The following LRRFIP2 variants were observed in gnomAD, a reference collection of about 807,000 sequenced individuals.
LRRFIP2 encodes leucine-rich repeat flightless-interacting protein 2.
In LRRFIP2, 109 loss-of-function variants were observed where a neutral mutation model predicts 125.9. That is an observed-to-expected ratio of 0.87 (90% CI 0.74 to 1.01). The LOEUF is 1.01. Among genes scored for constraint, LRRFIP2 ranks in the 50% least tolerant of loss-of-function variants. LRRFIP2 has a pLI of 0.00. For missense variants in LRRFIP2, 850 were observed against 862.3 expected (o/e 0.99, Z 0.18); for synonymous variants, 291 against 293.1 (o/e 0.99, Z 0.07).
At chr3:37,165,749 T>A in intron 1 of LRRFIP2, among the ~76,000 whole-genome samples, 1 of 122,642 alleles carries the variant, frequency 8.2e-6, no homozygotes, top group African/African-American at 3.2e-5. Context: ...AGAGAGAAAC[T>A]CTGTCACAAA....
At chr3:37,138,213 A>AT (rs2095605918) in intron 2 of LRRFIP2, among the ~76,000 whole-genome samples, 1 of 152,236 alleles carries the variant, frequency 6.6e-6, no homozygotes, top group African/African-American at 2.4e-5. Flanking sequence ...ACTTTCTGAT[A>AT]TTTAAATTTG....
intron 24 of LRRFIP2, among the ~76,000 whole-genome samples, chr3:37,062,094 C>T (rs1043841088): frequency 6.6e-6 from 1 of 152,168 alleles, no homozygotes; most frequent in Non-Finnish European, 1.5e-5. Flanking sequence ...CCTCACCTCT[C>T]CTGCCCCATT....
chr3:37,067,182 A>G (rs2090322176), intron 21 of LRRFIP2: 1 of 152,276 alleles, frequency 6.6e-6, no homozygotes, highest in African/African-American at 2.4e-5. Context: ...ATGCCTAGAT[A>G]GCAGGGACAG....
chr3:37,063,427 G>T (rs1189768806), intron 24 of LRRFIP2, among the ~76,000 whole-genome samples: 1 of 152,222 alleles, frequency 6.6e-6, no homozygotes, highest in Non-Finnish European at 1.5e-5. Context: ...TACAAGGACA[G>T]TACACAAGAA....
intron 8 of LRRFIP2, 88 bp downstream of exon 8, chr3:37,112,827 A>C (rs1468360793): frequency 1.6e-6 from 1 of 641,394 alleles, no homozygotes; most frequent in Non-Finnish European, 2.7e-6. Flanking sequence ...AGTTTCAATA[A>C]TGTCCTAGTA....
At chr3:37,064,155 G>A (rs2089536551) in intron 23 of LRRFIP2, 1 of 205,894 alleles carries the variant, frequency 4.9e-6, no homozygotes, top group Admixed American at 5.5e-5. Flanking sequence ...CCCTTAGCGG[G>A]AGAGATCCAA....
chr3:37,102,721 C>T (rs1185373334), intron 15 of LRRFIP2, among the ~76,000 whole-genome samples: 3 of 151,894 alleles, frequency 2.0e-5, no homozygotes, highest in African/African-American at 7.3e-5. Flanking sequence ...AGGCTGGTCT[C>T]GAACTCCTGA....
intron 24 of LRRFIP2, 127 bp downstream of exon 24, chr3:37,063,615 C>A: frequency 1.4e-6 from 1 of 737,524 alleles, no homozygotes; most frequent in South Asian, 1.6e-5. Flanking sequence ...ATTATCTATC[C>A]TTCATATCTC....
chr3:37,122,746 C>G (rs1264585581), intron 4 of LRRFIP2, among the ~76,000 whole-genome samples: 1 of 151,788 alleles, frequency 6.6e-6, no homozygotes, highest in Non-Finnish European at 1.5e-5. Flanking sequence ...ATGCCATAAG[C>G]AGATTTTTAA....
intron 15 of LRRFIP2, among the ~76,000 whole-genome samples, chr3:37,098,627 A>G (rs1454453210): frequency 6.6e-6 from 1 of 151,902 alleles, no homozygotes; most frequent in African/African-American, 2.4e-5. Flanking sequence ...TCCTGACCTC[A>G]AGTGATCCGC....
intron 24 of LRRFIP2, among the ~76,000 whole-genome samples, chr3:37,059,824 T>C (rs958329837): frequency 6.6e-6 from 1 of 151,402 alleles, no homozygotes; most frequent in African/African-American, 2.4e-5. Flanking sequence ...ATTGGATACA[T>C]AGAGATGGCT....
At chr3:37,093,467 C>G (rs781223569) in intron 17 of LRRFIP2, among the ~76,000 whole-genome samples, 1 of 152,094 alleles carries the variant, frequency 6.6e-6, no homozygotes. Flanking sequence ...AGCTAAAAAC[C>G]TTTTCTTAAA....
intron 21 of LRRFIP2, chr3:37,068,265 A>G (rs1296445470): frequency 6.6e-6 from 1 of 152,218 alleles, no homozygotes; most frequent in Non-Finnish European, 1.5e-5. Flanking sequence ...ACCACATATA[A>G]GTGGGTAAAT....
chr3:37,083,296 T>C (rs917548564), intron 19 of LRRFIP2, among the ~76,000 whole-genome samples: 1 of 152,206 alleles, frequency 6.6e-6, no homozygotes, highest in Non-Finnish European at 1.5e-5. Context: ...TGAGAGTCTT[T>C]GGAGCTTTGC....
Position 37,060,457 on chromosome 3 carries a change from T to C in LRRFIP2, c.1750-1547A>G, listed in dbSNP as rs188549074. 6.6e-5 allele frequency among the ~76,000 whole-genome samples: 10 copies of C among 152,128 alleles called. No individual in the cohort carries two copies. The East Asian group carries it at 1.7e-3, about 26-fold the overall frequency. ...CCGAGTAGCTGGGATTCCAGGTGCA[T>C]GCCACCACGTCCAATTTTTGTATTT... On this transcript the variant is annotated intron_variant, in intron 24 of 27. Transcript: ENST00000336686. This position sits in a 1 kb window ranked among gnomAD's most constrained non-coding sequence, Gnocchi z 4.1.
chr3:37,116,662 T>A (rs981195923), intron 6 of LRRFIP2, among the ~76,000 whole-genome samples: 1 of 152,160 alleles, frequency 6.6e-6, no homozygotes, highest in Admixed American at 6.6e-5. Flanking sequence ...TTAAAATATA[T>A]TAGAAAATCA....
At chr3:37,108,589 C>T in intron 12 of LRRFIP2, 48 bp downstream of exon 12, 4 of 1,460,484 alleles carry the variant, frequency 2.7e-6, no homozygotes, top group South Asian at 1.2e-5. Flanking sequence ...TAAACTGTGC[C>T]CACCCACATT....
At chr3:37,136,675 T>C (rs1178619461) in intron 2 of LRRFIP2, among the ~76,000 whole-genome samples, 1 of 152,064 alleles carries the variant, frequency 6.6e-6, no homozygotes, top group Non-Finnish European at 1.5e-5. Context: ...GGATAGAATA[T>C]ATAGTATTTC....
At chr3:37,160,262 T>C (rs1041122908) in intron 1 of LRRFIP2, among the ~76,000 whole-genome samples, 6 of 151,982 alleles carry the variant, frequency 3.9e-5, no homozygotes, top group Non-Finnish European at 8.8e-5. Flanking sequence ...AAATCACCCA[T>C]CCTGCTACCA....
Sources: allele counts gnomAD v4.1 joint callset (sites outside exome capture counted in the v4.1 genomes callset), GRCh38; gene constraint gnomAD v4.1.1; non-coding constraint Gnocchi (gnomAD v3.1); transcripts MANE v1.5; gene names NCBI Gene and HGNC (gene_info 2026-07-23, HGNC 2026-07-21).